The following VIT variants were observed in gnomAD, a reference collection of about 807,000 sequenced individuals.
VIT encodes the protein vitrin.
VIT carries 99 observed loss-of-function variants against 78.0 expected under a neutral mutation model. The ratio of observed to expected loss-of-function variants is 1.27; its 90% confidence interval spans 1.08 to 1.50. The LOEUF (loss-of-function observed/expected upper bound fraction) is 1.50, where lower values mean the gene tolerates loss of function less well. Ranked by LOEUF, VIT falls within the 40% of genes most tolerant of loss-of-function variation. The pLI, the probability that VIT is intolerant of heterozygous loss-of-function variation, is 0.00. For synonymous variants in VIT, 374 were observed against 334.3 expected (o/e 1.12, Z -1.29); for missense variants, 1,126 against 875.3 (o/e 1.29, Z -3.61).
intron 6 of VIT, among the ~76,000 whole-genome samples, chr2:36,762,219 T>C (rs557084860): frequency 3.9e-5 from 6 of 152,332 alleles, no homozygotes; most frequent in African/African-American, 1.4e-4. Context: ...GGAGTGTGGA[T>C]AGCCAAGGGT....
At chr2:36,778,300 C>G (rs1374239724) in intron 9 of VIT, among the ~76,000 whole-genome samples, 1 of 152,212 alleles carries the variant, frequency 6.6e-6, no homozygotes, top group Non-Finnish European at 1.5e-5. Flanking sequence ...CACTGCGTCC[C>G]CCACTGCCAG....
At chr2:36,802,302 T>G (rs7578447) in intron 13 of VIT, among the ~76,000 whole-genome samples, 13,669 of 152,176 alleles carry the variant, frequency 0.09, 1,205 homozygotes, top group African/African-American at 0.24. Context: ...GATTGGCTTT[T>G]TGGGCACTGG....
intron 7 of VIT, 74 bp from the exon 8 acceptor site, chr2:36,773,717 C>A: frequency 7.5e-7 from 1 of 1,327,180 alleles, no homozygotes; most frequent in South Asian, 1.9e-5. Context: ...CAGTGAGACT[C>A]CGACTCAAAA....
At chr2:36,718,462 T>C (rs984554536) in intron 2 of VIT, among the ~76,000 whole-genome samples, 8 of 152,164 alleles carry the variant, frequency 5.3e-5, no homozygotes, top group Admixed American at 2.0e-4. Flanking sequence ...CTGCAAATTA[T>C]ATGTTTGAGC....
At chr2:36,794,339 AT>A (rs1209304572) in intron 12 of VIT, among the ~76,000 whole-genome samples, 1 of 148,214 alleles carries the variant, frequency 6.7e-6, no homozygotes, top group East Asian at 2.0e-4. Context: ...AGAAAAAAAA[AT>A]TTAGTGTTTG....
At chr2:36,736,730 C>T (rs1667531116) in intron 3 of VIT, among the ~76,000 whole-genome samples, 2 of 152,218 alleles carry the variant, frequency 1.3e-5, no homozygotes, top group South Asian at 4.1e-4. Context: ...TCCCTATCCC[C>T]AACACACACT....
At chr2:36,734,807 C>T (rs1404779920) in intron 3 of VIT, among the ~76,000 whole-genome samples, 1 of 152,134 alleles carries the variant, frequency 6.6e-6, no homozygotes, top group Non-Finnish European at 1.5e-5. Context: ...CAGTGCCCCC[C>T]ATGGATGTTA....
chr2:36,712,524 A>G (rs1665867106), intron 1 of VIT, among the ~76,000 whole-genome samples: 1 of 152,004 alleles, frequency 6.6e-6, no homozygotes, highest in African/African-American at 2.4e-5. Context: ...TAATTCACAT[A>G]CCATAAAATA....
intron 1 of VIT, among the ~76,000 whole-genome samples, chr2:36,704,685 C>T (rs1001930344): frequency 3.9e-5 from 6 of 152,094 alleles, no homozygotes; most frequent in African/African-American, 1.2e-4. Flanking sequence ...CAGACACCAT[C>T]CTCCACACCC....
chr2:36,807,275 C>G (rs1666798796), intron 14 of VIT, among the ~76,000 whole-genome samples: 1 of 152,222 alleles, frequency 6.6e-6, no homozygotes. Context: ...ACCCATTGCT[C>G]TCAAGGCCTT....
chr2:36,760,014 G>A (rs914246433), intron 6 of VIT, among the ~76,000 whole-genome samples: 1 of 4,978 alleles, frequency 2.0e-4, no homozygotes, highest in African/African-American at 2.3e-4. Context: ...TTCTTTTTTT[G>A]AGACGGAGTT....
chr2:36,781,852 T>C (rs1209927322), intron 10 of VIT, 81 bp downstream of exon 10: 3 of 1,555,920 alleles, frequency 1.9e-6, no homozygotes, highest in Non-Finnish European at 2.7e-6. Flanking sequence ...ATAATCCAGC[T>C]GGCATAGCGG....
intron 13 of VIT, among the ~76,000 whole-genome samples, chr2:36,801,717 A>C (rs1046791870): frequency 6.6e-6 from 1 of 151,200 alleles, no homozygotes; most frequent in Non-Finnish European, 1.5e-5. Context: ...CTGAGGTTGC[A>C]GTGAGCCAAG....
chr2:36,719,445 CA>C (rs1439032992), intron 2 of VIT, among the ~76,000 whole-genome samples: 1 of 152,036 alleles, frequency 6.6e-6, no homozygotes, highest in African/African-American at 2.4e-5. Flanking sequence ...AAGACTCCAC[CA>C]AAAACCTGTT....
At chr2:36,787,353 A>G (rs1469918164) in intron 12 of VIT, 77 bp downstream of exon 12, 6 of 1,525,960 alleles carry the variant, frequency 3.9e-6, no homozygotes, top group Middle Eastern at 1.7e-4. Flanking sequence ...GCTTAATTTT[A>G]TGCCACAAAT....
intron 14 of VIT, among the ~76,000 whole-genome samples, chr2:36,807,119 C>T (rs1250492438): frequency 1.3e-5 from 2 of 152,192 alleles, no homozygotes; most frequent in South Asian, 2.1e-4. Flanking sequence ...GACGCCCCCT[C>T]CCCAGTTCAA....
At chr2:36,725,533 A>G (rs750942493) in intron 2 of VIT, among the ~76,000 whole-genome samples, 14 of 133,198 alleles carry the variant, frequency 1.1e-4, no homozygotes, top group Non-Finnish European at 4.6e-5. Flanking sequence ...GTGACCTCCC[A>G]AAGGCTCCAC....
chr2:36,731,988 C>G (rs940693608), intron 3 of VIT, among the ~76,000 whole-genome samples: 7 of 152,186 alleles, frequency 4.6e-5, no homozygotes, highest in Non-Finnish European at 8.8e-5. Flanking sequence ...AAAGGGCAAC[C>G]ATCCACAGCC....
Position 36,805,333 on chromosome 2 carries a change from G to A in VIT, c.1163-105G>A, listed in dbSNP as rs1017574222. The A allele has an allele frequency of 2.6e-6, 3 of 1,164,528 alleles. No homozygotes were observed. The African/African-American group carries it at 4.7e-5, about 18-fold the overall frequency. 72.1% of individuals were successfully genotyped at this position (1,164,528 alleles called of 1,614,324 possible). On this transcript the variant is annotated intron_variant, in intron 13 of 15. Coordinates refer to ENST00000379242, the MANE Select transcript of VIT (RefSeq NM_053276.4). ...GAAAAAAAAAAAAAAAAAAACTAGGGAGGGAATGAGTGTATTTTTCTGGAC... is the reference window on the plus strand; with the variant it reads ...GAAAAAAAAAAAAAAAAAAACTAGGAAGGGAATGAGTGTATTTTTCTGGAC...
Sources: gnomAD v4.1 joint callset for allele counts (sites outside exome capture counted in the v4.1 genomes callset) on GRCh38, gnomAD v4.1.1 for gene constraint, MANE v1.5 for transcripts, NCBI Gene and HGNC (gene_info 2026-07-23, HGNC 2026-07-21) for gene names.